Variants in PKNOX2 observed in about 807,000 individuals in gnomAD.
PKNOX2 encodes the protein PBX/knotted 1 homeobox 2, also known as homeobox protein PKNOX2.
In PKNOX2, 14 loss-of-function variants were observed where a neutral mutation model predicts 53.1. The ratio of observed to expected loss-of-function variants is 0.26; its 90% CI spans 0.17 to 0.41. The LOEUF is 0.41. Ranked by LOEUF, PKNOX2 falls within the 10% of genes least tolerant of loss-of-function variation. The probability of loss-of-function intolerance (pLI) is 1.00; values close to 1 mark genes in which losing one functional copy is unlikely to be tolerated. For synonymous variants in PKNOX2, 257 were observed against 242.8 expected, an observed-to-expected ratio of 1.06 and a Z score of -0.54; for missense variants, 496 against 602.8, an observed-to-expected ratio of 0.82 and a Z score of 1.85.
chr11:125,410,563 T>C, intron 8 of PKNOX2: 1 of 671,506 alleles, frequency 1.5e-6, no homozygotes, highest in East Asian at 2.7e-5. Context: ...AGTAAGGCTG[T>C]TGTCCCTTCC....
At chr11:125,199,907 G>T (rs919051834) in intron 1 of PKNOX2, among the ~76,000 whole-genome samples, 2 of 152,196 alleles carry the variant, frequency 1.3e-5, no homozygotes, top group African/African-American at 4.8e-5. Flanking sequence ...GTTGCTATGT[G>T]TATGGACTGG....
At chr11:125,407,367 G>T (rs1375722919) in intron 7 of PKNOX2, among the ~76,000 whole-genome samples, 2 of 152,172 alleles carry the variant, frequency 1.3e-5, no homozygotes, top group East Asian at 1.9e-4. Flanking sequence ...AATGTGTGTT[G>T]GTTGAATCCC....
intron 4 of PKNOX2, 137 bp from the exon 5 acceptor site, chr11:125,367,709 C>T: frequency 1.2e-6 from 1 of 867,448 alleles, no homozygotes; most frequent in Non-Finnish European, 1.7e-6. Flanking sequence ...AATGGATGCT[C>T]ATTGTGTGCT....
intron 4 of PKNOX2, among the ~76,000 whole-genome samples, chr11:125,363,031 G>A (rs888899076): frequency 6.6e-6 from 1 of 152,224 alleles, no homozygotes; most frequent in Non-Finnish European, 1.5e-5. Flanking sequence ...GGCAGAACTG[G>A]TTCTGGCTAG....
intron 5 of PKNOX2, among the ~76,000 whole-genome samples, chr11:125,378,193 A>G (rs1413035458): frequency 6.6e-6 from 1 of 152,216 alleles, no homozygotes; most frequent in Non-Finnish European, 1.5e-5. Flanking sequence ...AGTTTCTGGA[A>G]AGGCGAACTT....
At chr11:125,201,284 C>T (rs1039048579) in intron 1 of PKNOX2, among the ~76,000 whole-genome samples, 2 of 152,100 alleles carry the variant, frequency 1.3e-5, no homozygotes, top group Non-Finnish European at 2.9e-5. Flanking sequence ...AGTGAAGCCC[C>T]CTCACTGCTG....
intron 2 of PKNOX2, among the ~76,000 whole-genome samples, chr11:125,242,624 G>A (rs906165250): frequency 4.0e-5 from 6 of 151,710 alleles, no homozygotes; most frequent in Admixed American, 3.9e-4. Context: ...CAGCCCAGGG[G>A]AAATGGCTCA....
At chr11:125,246,484 C>T (rs746097586) in intron 2 of PKNOX2, among the ~76,000 whole-genome samples, 12 of 152,174 alleles carry the variant, frequency 7.9e-5, no homozygotes, top group Non-Finnish European at 1.3e-4. Flanking sequence ...TCCTGGGACA[C>T]GCTACTGGTG....
intron 5 of PKNOX2, among the ~76,000 whole-genome samples, chr11:125,374,940 T>A (rs1330722801): frequency 8.7e-4 from 4 of 4,598 alleles, no homozygotes; most frequent in African/African-American, 2.4e-3. Flanking sequence ...TGACATGGGG[T>A]GGGGTGGGGT....
intron 2 of PKNOX2, among the ~76,000 whole-genome samples, chr11:125,328,377 GAGTGAGTGAGAGAGAA>G (rs1158997563): frequency 0.012 from 1,712 of 141,568 alleles, 35 homozygotes; most frequent in African/African-American, 0.042. Context: ...GAGAGAGAGA[GAGTGAGTGAGAGAGAA>G]AGAGAGACAG....
chr11:125,315,571 C>T (rs1001296272), intron 2 of PKNOX2, among the ~76,000 whole-genome samples: 8 of 152,264 alleles, frequency 5.3e-5, no homozygotes, highest in South Asian at 4.1e-4. Context: ...TGCTCAACCC[C>T]ACCCCAGGGT....
At chr11:125,234,486 T>C (rs1038097121) in intron 1 of PKNOX2, among the ~76,000 whole-genome samples, 4 of 152,218 alleles carry the variant, frequency 2.6e-5, no homozygotes, top group Non-Finnish European at 5.9e-5. Context: ...TCTATGCACA[T>C]TTTTCTTCCT....
intron 7 of PKNOX2, among the ~76,000 whole-genome samples, chr11:125,408,520 G>A (rs1297634984): frequency 6.6e-6 from 1 of 152,228 alleles, no homozygotes; most frequent in Admixed American, 6.5e-5. Context: ...GGAGGAGGGC[G>A]TGCTTGGCTC....
chr11:125,303,746 G>C (rs899521871), intron 2 of PKNOX2, among the ~76,000 whole-genome samples: 3 of 152,142 alleles, frequency 2.0e-5, no homozygotes, highest in African/African-American at 7.2e-5. Context: ...TACACAGAGG[G>C]ACAGGCACTA....
At chr11:125,406,917 TAAAAAAA>T (rs67687488) in intron 7 of PKNOX2, among the ~76,000 whole-genome samples, 9 of 41,716 alleles carry the variant, frequency 2.2e-4, no homozygotes, top group African/African-American at 9.6e-4. Flanking sequence ...AATCTATGTC[TAAAAAAA>T]AAAAAAAAAA....
chr11:125,232,070 T>C (rs1942251480), intron 1 of PKNOX2, among the ~76,000 whole-genome samples: 1 of 152,204 alleles, frequency 6.6e-6, no homozygotes, highest in African/African-American at 2.4e-5. Context: ...GAGAATTCTT[T>C]CTTATGTTGA....
chr11:125,258,882 A>G (rs919293153), intron 2 of PKNOX2: 19 of 394,964 alleles, frequency 4.8e-5, no homozygotes, highest in African/African-American at 3.3e-4. Context: ...CCTCGGGGCC[A>G]GAGGAGCTCC....
At chr11:125,251,514 G>A (rs149996220) in intron 2 of PKNOX2, among the ~76,000 whole-genome samples, 206 of 152,262 alleles carry the variant, frequency 1.4e-3, no homozygotes, top group African/African-American at 4.7e-3. Context: ...GGGTATATGT[G>A]TATGTGTGTG....
intron 10 of PKNOX2, among the ~76,000 whole-genome samples, chr11:125,416,616 T>TG (rs1411332167): frequency 6.6e-6 from 1 of 152,066 alleles, no homozygotes; most frequent in Non-Finnish European, 1.5e-5. Context: ...ATACGAGCAC[T>TG]GCTGACTTTC....
Sources: gnomAD v4.1 joint callset for allele counts (sites outside exome capture counted in the v4.1 genomes callset) on GRCh38, gnomAD v4.1.1 for gene constraint, MANE v1.5 for transcripts, NCBI Gene and HGNC (gene_info 2026-07-23, HGNC 2026-07-21) for gene names.